PDGFC: variants seen among roughly 807,000 people sequenced by gnomAD.
PDGFC encodes the protein platelet derived growth factor C, also known as platelet-derived growth factor C.
PDGFC carries 12 observed loss-of-function variants against 35.5 expected under a neutral mutation model. The observed-to-expected ratio is 0.34, with a 90% CI of 0.22 to 0.55. The LOEUF (loss-of-function observed/expected upper bound fraction) is 0.55. Among genes scored for constraint, PDGFC ranks in the 20% least tolerant of loss-of-function variants. PDGFC has a pLI of 0.91. For missense variants in PDGFC, 322 were observed against 412.4 expected, an observed-to-expected ratio of 0.78 and a Z score of 1.90; for synonymous variants, 159 against 148.8, an observed-to-expected ratio of 1.07 and a Z score of -0.50.
At chr4:156,810,517 C>T (rs539838867) in intron 3 of PDGFC, among the ~76,000 whole-genome samples, 6 of 152,028 alleles carry the variant, frequency 3.9e-5, no homozygotes, top group Non-Finnish European at 8.8e-5. Flanking sequence ...TAGCTATACC[C>T]TTAACCAATA....
chr4:156,926,993 T>C (rs1304115411), intron 1 of PDGFC, among the ~76,000 whole-genome samples: 1 of 152,200 alleles, frequency 6.6e-6, no homozygotes, highest in African/African-American at 2.4e-5. Context: ...CCATACATCT[T>C]CTGAAATCTA....
At chr4:156,931,569 T>C (rs1270104871) in intron 1 of PDGFC, among the ~76,000 whole-genome samples, 2 of 152,144 alleles carry the variant, frequency 1.3e-5, no homozygotes, top group Non-Finnish European at 2.9e-5. Context: ...CCTTAACTGT[T>C]TATTAGAGCT....
chr4:156,796,919 ACCTT>A (rs1731458495), intron 3 of PDGFC, among the ~76,000 whole-genome samples: 1 of 152,134 alleles, frequency 6.6e-6, no homozygotes. Context: ...ATTTGCTACA[ACCTT>A]GCAAGACAAA....
At position 156,923,816 on chromosome 4, in the gene PDGFC, GA is replaced by G. The variant is rs574351373; in HGVS notation, c.118+46969del. ...GTAACGAACTGGGGACAAAGAGATG[GA>G]AAAAAAAAATCCATTCTTGCACTTA... On this transcript the variant is annotated intron_variant, in intron 1 of 5. Transcript: ENST00000502773. Among the ~76,000 whole-genome samples, 382 of 149,222 alleles carry G rather than the reference GA, an allele frequency of 2.6e-3. 1 individual carries two copies. Among genetic ancestry groups the G allele is most frequent in the East Asian group, 9.2e-3 (47 of 5,090 alleles).
rs1730393102 is a variant in PDGFC, at chr4:156,762,167, T to C, written c.*923A>G. 2 of 152,646 alleles carry C rather than the reference T, an allele frequency of 1.3e-5. No individual in the cohort carries two copies. Among genetic ancestry groups the C allele is most frequent in the South Asian group, 4.1e-4 (2 of 4,832 alleles). The allele number at this position is 152,646 out of a possible 1,614,324, so 9.5% of individuals were successfully genotyped here. A position where few individuals can be genotyped will look rare whatever the true frequency, so the allele number is the denominator to read the frequency against. On this transcript the variant is annotated 3_prime_UTR_variant, in exon 6 of 6. Coordinates refer to ENST00000502773, the MANE Select transcript of PDGFC (RefSeq NM_016205.3). ...ACTCTAGCACCATACGAGAATGAAA[T>C]ACATGTATTTTTGTCAGAGCAACAA...
intron 1 of PDGFC, among the ~76,000 whole-genome samples, chr4:156,866,177 A>G (rs532296358): frequency 5.3e-5 from 8 of 152,092 alleles, no homozygotes; most frequent in Non-Finnish European, 7.4e-5. Context: ...TCATTGTTCA[A>G]TTCCCACCCA....
At chr4:156,793,835 A>G (rs1300199614) in intron 3 of PDGFC, among the ~76,000 whole-genome samples, 1 of 151,606 alleles carries the variant, frequency 6.6e-6, no homozygotes, top group Admixed American at 6.6e-5. Context: ...ATTAAAAAAA[A>G]AAACTGCCCA....
chr4:156,844,609 A>AT (rs144480662), intron 2 of PDGFC, among the ~76,000 whole-genome samples: 2,439 of 152,196 alleles, frequency 0.016, 64 homozygotes, highest in African/African-American at 0.055. Flanking sequence ...AAACAAGGAC[A>AT]TAAGAAAGTT....
At chr4:156,771,140 T>C (rs988531722) in intron 4 of PDGFC, among the ~76,000 whole-genome samples, 2 of 152,196 alleles carry the variant, frequency 1.3e-5, no homozygotes, top group Non-Finnish European at 2.9e-5. Context: ...TAAATGAATA[T>C]CTGAAAGATC....
chr4:156,911,464 G>T (rs924547558), intron 1 of PDGFC, among the ~76,000 whole-genome samples: 1 of 152,028 alleles, frequency 6.6e-6, no homozygotes, highest in Non-Finnish European at 1.5e-5. Context: ...GAGGTATTAT[G>T]ATGAGTGTTG....
At position 156,775,603 on chromosome 4, in the gene PDGFC, G is replaced by C. The variant is rs191411371; in HGVS notation, c.496-2710C>G. On this transcript the variant is annotated intron_variant, in intron 3 of 5. Transcript: ENST00000502773. ...TTTGAAGCAATACAAAGTTCTAACT[G>C]AAATTAATATTGCTGAGATGCAGTC... 2.2e-3 allele frequency among the ~76,000 whole-genome samples: 329 copies of C among 152,200 alleles called. 1 individual carries two copies. The highest frequency in any genetic ancestry group is 7.4e-4 in the Non-Finnish European group (50 of 68,006).
intron 2 of PDGFC, among the ~76,000 whole-genome samples, chr4:156,816,873 C>A (rs917714608): frequency 1.3e-5 from 2 of 152,116 alleles, no homozygotes; most frequent in South Asian, 4.1e-4. Context: ...TAGGGCCATA[C>A]AGATAAAACT....
At chr4:156,895,484 T>TTC (rs1730610914) in intron 1 of PDGFC, among the ~76,000 whole-genome samples, 1 of 151,712 alleles carries the variant, frequency 6.6e-6, no homozygotes, top group African/African-American at 2.4e-5. Flanking sequence ...ATACAAAAAT[T>TTC]AGCCGGGTGT....
chr4:156,765,723 A>G (rs2110790072), intron 5 of PDGFC, among the ~76,000 whole-genome samples: 1 of 152,332 alleles, frequency 6.6e-6, no homozygotes, highest in Admixed American at 6.5e-5. Flanking sequence ...CTATTGTCAG[A>G]GTATCCTGTA....
At chr4:156,901,333 A>G (rs1730777399) in intron 1 of PDGFC, among the ~76,000 whole-genome samples, 1 of 152,162 alleles carries the variant, frequency 6.6e-6, no homozygotes, top group Admixed American at 6.5e-5. Context: ...TGTAAACGTC[A>G]GATTGGCTTT....
At chr4:156,850,495 C>T in intron 1 of PDGFC, 79 bp from the exon 2 acceptor site, 1 of 709,532 alleles carries the variant, frequency 1.4e-6, no homozygotes, top group Non-Finnish European at 2.2e-6. Flanking sequence ...TTATTATTCA[C>T]ACTTTACCTC....
chr4:156,909,200 G>A (rs567460221), intron 1 of PDGFC, among the ~76,000 whole-genome samples: 1 of 152,242 alleles, frequency 6.6e-6, no homozygotes, highest in South Asian at 2.1e-4. Flanking sequence ...ACAACTGTGA[G>A]TATTCTAAAA....
At chr4:156,954,015 G>A (rs1370136747) in intron 1 of PDGFC, among the ~76,000 whole-genome samples, 4 of 151,862 alleles carry the variant, frequency 2.6e-5, no homozygotes, top group Non-Finnish European at 5.9e-5. Context: ...AAAATAAATA[G>A]TCTGGTCTCT....
intron 1 of PDGFC, among the ~76,000 whole-genome samples, chr4:156,859,747 T>C (rs1419036085): frequency 6.6e-6 from 1 of 152,146 alleles, no homozygotes; most frequent in East Asian, 1.9e-4. Context: ...CATAAATTAA[T>C]AAGAAAGCTT....
Sources: allele counts gnomAD v4.1 joint callset (sites outside exome capture counted in the v4.1 genomes callset), GRCh38; gene constraint gnomAD v4.1.1; transcripts MANE v1.5; gene names NCBI Gene and HGNC (gene_info 2026-07-23, HGNC 2026-07-21).